The following CCSER1 variants were observed in gnomAD, a reference collection of about 807,000 sequenced individuals.
CCSER1 encodes the protein coiled-coil serine rich protein 1.
A neutral mutation model predicts 82.0 loss-of-function variants in CCSER1; 41 were observed. The ratio of observed to expected loss-of-function variants is 0.50; its 90% confidence interval spans 0.39 to 0.65. CCSER1 has a LOEUF of 0.65. Among genes scored for constraint, CCSER1 ranks in the 30% least tolerant of loss-of-function variants. The pLI is 0.00. For synonymous variants in CCSER1, 414 were observed against 383.9 expected, an observed-to-expected ratio of 1.08 and a Z score of -0.92; for missense variants, 1,119 against 1,064.2, an observed-to-expected ratio of 1.05 and a Z score of -0.72.
intron 5 of CCSER1, among the ~76,000 whole-genome samples, chr4:90,517,870 TA>T (rs1310235828): frequency 3.3e-5 from 5 of 152,108 alleles, no homozygotes; most frequent in Non-Finnish European, 7.4e-5. Context: ...AGAATCAGAT[TA>T]ATCATCCTGG....
rs1469501173 is a variant in CCSER1 at position 90,312,975 on chromosome 4, T to C, written c.1437T>C (p.Asp479=). The C allele has an allele frequency of 6.2e-7, 1 of 1,602,850 alleles. No individual in the cohort carries two copies. The highest frequency in any genetic ancestry group is 1.3e-5 in the African/African-American group (1 of 74,852). ...GCAGAATGATTTTGAAACCGAAAGATGGAAATATAGAAGAAGTTAATAGTT... is the reference window on the plus strand; with the variant it reads ...GCAGAATGATTTTGAAACCGAAAGACGGAAATATAGAAGAAGTTAATAGTT... The part of the protein sequence containing the change: ...GSSRMILKPK[D]GNIEEVNSLR... The change falls in exon 3 of 11, where the codon GAT becomes GAC. Residue 479 remains aspartate (D), a synonymous_variant. Coordinates refer to ENST00000509176, the MANE Select transcript of CCSER1 (RefSeq NM_001145065.2).
At chr4:90,933,344 C>T (rs1292746565) in intron 9 of CCSER1, among the ~76,000 whole-genome samples, 3 of 151,576 alleles carry the variant, frequency 2.0e-5, no homozygotes, top group African/African-American at 4.8e-5. Flanking sequence ...CCCGCCACCA[C>T]GCCCGGCTAA....
At chr4:90,766,382 CTAAA>C (rs1389121022) in intron 7 of CCSER1, among the ~76,000 whole-genome samples, 1 of 152,124 alleles carries the variant, frequency 6.6e-6, no homozygotes, top group African/African-American at 2.4e-5. Context: ...CCAGGTGCAA[CTAAA>C]TAAAGAGAAG....
chr4:91,364,171 A>G (rs2149316015), intron 10 of CCSER1, among the ~76,000 whole-genome samples: 1 of 152,144 alleles, frequency 6.6e-6, no homozygotes, highest in South Asian at 2.1e-4. Context: ...ACTTTGATTT[A>G]TTGTTTGATT....
chr4:91,526,631 G>T (rs1425282658), intron 10 of CCSER1, among the ~76,000 whole-genome samples: 6 of 152,118 alleles, frequency 3.9e-5, no homozygotes, highest in African/African-American at 7.2e-5. Context: ...TTGAGATGGA[G>T]TTTGCTCCTA....
At chr4:90,296,427 T>C (rs184114691) in intron 1 of CCSER1, among the ~76,000 whole-genome samples, 1 of 152,312 alleles carries the variant, frequency 6.6e-6, no homozygotes, top group African/African-American at 2.4e-5. Context: ...AAAAATTTTC[T>C]CCTATTCTGT....
At chr4:91,575,923 A>G (rs557576117) in intron 10 of CCSER1, among the ~76,000 whole-genome samples, 2 of 152,130 alleles carry the variant, frequency 1.3e-5, no homozygotes, top group South Asian at 4.1e-4. Flanking sequence ...TGGTTCAGCC[A>G]TTATGAAAAA....
chr4:91,246,827 TACACACACAC>T (rs34278711), intron 10 of CCSER1, among the ~76,000 whole-genome samples: 239 of 144,172 alleles, frequency 1.7e-3, no homozygotes, highest in African/African-American at 5.7e-3. Context: ...CATACACACA[TACACACACAC>T]ACACACACAC....
intron 1 of CCSER1, among the ~76,000 whole-genome samples, chr4:90,243,548 T>G: frequency 6.6e-6 from 1 of 150,890 alleles, no homozygotes; most frequent in East Asian, 2.0e-4. Context: ...CTCCCGGCCA[T>G]GTTTTTATTT....
At chr4:90,385,623 C>A (rs1290170246) in intron 3 of CCSER1, among the ~76,000 whole-genome samples, 1 of 151,748 alleles carries the variant, frequency 6.6e-6, no homozygotes, top group East Asian at 1.9e-4. Context: ...CCACACCTGG[C>A]TAATTTTTTG....
intron 6 of CCSER1, among the ~76,000 whole-genome samples, chr4:90,653,448 A>T (rs1463874738): frequency 2.6e-5 from 4 of 152,228 alleles, no homozygotes; most frequent in Admixed American, 6.5e-5. Flanking sequence ...TGAAAAAAAA[A>T]TTTTAATGAA....
At chr4:91,096,807 G>C (rs1409601677) in intron 10 of CCSER1, among the ~76,000 whole-genome samples, 3 of 151,986 alleles carry the variant, frequency 2.0e-5, no homozygotes, top group African/African-American at 7.3e-5. Context: ...ACAAAACAAA[G>C]AACAGGTAAA....
At chr4:90,168,978 T>A (rs1304791198) in intron 1 of CCSER1, among the ~76,000 whole-genome samples, 1 of 152,008 alleles carries the variant, frequency 6.6e-6, no homozygotes, top group Admixed American at 6.6e-5. Flanking sequence ...TGGTTCCATA[T>A]GAACTTTAAA....
chr4:91,027,815 A>G (rs975665005), intron 9 of CCSER1, among the ~76,000 whole-genome samples: 7 of 152,072 alleles, frequency 4.6e-5, no homozygotes, highest in Admixed American at 1.3e-4. Context: ...TTAGTCCTGG[A>G]AAGAGTCAAT....
intron 9 of CCSER1, among the ~76,000 whole-genome samples, chr4:91,038,374 A>T (rs1241833669): frequency 6.6e-6 from 1 of 152,224 alleles, no homozygotes; most frequent in Non-Finnish European, 1.5e-5. Flanking sequence ...TGAGGGGTTC[A>T]AAACCCTAGC....
At chr4:90,280,214 A>G (rs1240357521) in intron 1 of CCSER1, among the ~76,000 whole-genome samples, 1 of 152,050 alleles carries the variant, frequency 6.6e-6, no homozygotes, top group African/African-American at 2.4e-5. Flanking sequence ...CTGAAGTAGT[A>G]AAGTCACTAC....
chr4:91,043,292 TC>T (rs1742135809), intron 9 of CCSER1, among the ~76,000 whole-genome samples: 1 of 151,706 alleles, frequency 6.6e-6, no homozygotes, highest in African/African-American at 2.4e-5. Flanking sequence ...ATAATAAAAC[TC>T]CCCAAATTAT....
intron 5 of CCSER1, among the ~76,000 whole-genome samples, chr4:90,580,082 AC>A (rs1781259423): frequency 6.6e-6 from 1 of 152,196 alleles, no homozygotes; most frequent in Non-Finnish European, 1.5e-5. Context: ...GCTTTGCCTT[AC>A]CTAGATTTCC....
intron 10 of CCSER1, among the ~76,000 whole-genome samples, chr4:91,365,713 G>C (rs1197855794): frequency 6.6e-6 from 1 of 152,060 alleles, no homozygotes; most frequent in Non-Finnish European, 1.5e-5. Flanking sequence ...CTAATTGTCA[G>C]TCACTTTGCA....
Sources: gnomAD v4.1 joint callset for allele counts (sites outside exome capture counted in the v4.1 genomes callset) on GRCh38, gnomAD v4.1.1 for gene constraint, MANE v1.5 for transcripts, NCBI Gene and HGNC (gene_info 2026-07-23, HGNC 2026-07-21) for gene names.